The following SLC10A7 variants were observed in gnomAD, a reference collection of about 807,000 sequenced individuals.
The protein encoded by SLC10A7 is solute carrier family 10 member 7.
A neutral mutation model predicts 43.2 loss-of-function variants in SLC10A7; 29 were observed. The ratio of observed to expected loss-of-function variants is 0.67; its 90% CI spans 0.50 to 0.92. The LOEUF is 0.92. SLC10A7 is among the 40% of genes least tolerant of loss of function. SLC10A7 has a pLI of 0.00. For synonymous variants in SLC10A7, 152 were observed against 144.8 expected (o/e 1.05, Z -0.35); for missense variants, 295 against 403.2 (o/e 0.73, Z 2.30).
intron 5 of SLC10A7, among the ~76,000 whole-genome samples, chr4:146,415,876 C>T (rs1331296785): frequency 2.0e-5 from 3 of 152,054 alleles, no homozygotes; most frequent in African/African-American, 7.2e-5. Flanking sequence ...TCATAGATTG[C>T]GAATTAGTTA....
chr4:146,286,889 C>T (rs200779184), intron 9 of SLC10A7, among the ~76,000 whole-genome samples: 32 of 84,000 alleles, frequency 3.8e-4, no homozygotes, highest in South Asian at 8.5e-4. Flanking sequence ...AGAAGGACTG[C>T]GTTTGGAGTG....
chr4:146,265,770 C>T (rs1905958), intron 10 of SLC10A7, among the ~76,000 whole-genome samples: 88,172 of 151,968 alleles, frequency 0.58, 26,096 homozygotes, highest in East Asian at 0.82. Context: ...TTAAAGACAA[C>T]GCATTCACAT....
At chr4:146,443,933 T>C (rs906686353) in intron 4 of SLC10A7, among the ~76,000 whole-genome samples, 2 of 152,242 alleles carry the variant, frequency 1.3e-5, no homozygotes, top group African/African-American at 4.8e-5. Flanking sequence ...ACAGCTCCTC[T>C]GTGGCATAAA....
At chr4:146,395,867 C>T (rs1738789433) in intron 5 of SLC10A7, among the ~76,000 whole-genome samples, 1 of 152,064 alleles carries the variant, frequency 6.6e-6, no homozygotes, top group South Asian at 2.1e-4. Context: ...ATTTGTTTTT[C>T]TTTGTTCAGT....
intron 5 of SLC10A7, among the ~76,000 whole-genome samples, chr4:146,382,936 A>G (rs897022690): frequency 6.6e-6 from 1 of 151,924 alleles, no homozygotes. Context: ...GGTGCAGAAT[A>G]TCATCAATAT....
At chr4:146,388,586 A>G (rs1457632125) in intron 5 of SLC10A7, among the ~76,000 whole-genome samples, 3 of 151,818 alleles carry the variant, frequency 2.0e-5, no homozygotes, top group Non-Finnish European at 4.4e-5. Flanking sequence ...GTGAAACCCC[A>G]TCTCTAGTAA....
intron 4 of SLC10A7, among the ~76,000 whole-genome samples, chr4:146,458,404 T>G (rs1242133209): frequency 2.6e-5 from 4 of 151,664 alleles, no homozygotes; most frequent in Non-Finnish European, 4.4e-5. Context: ...AGGAACAAAG[T>G]TAGGATGTCT....
chr4:146,465,743 A>T (rs1025651508), intron 4 of SLC10A7, among the ~76,000 whole-genome samples: 1 of 152,136 alleles, frequency 6.6e-6, no homozygotes, highest in Non-Finnish European at 1.5e-5. Context: ...GGACTGAAAG[A>T]TCTCTGTGGC....
chr4:146,450,254 T>A (rs973130100), intron 4 of SLC10A7, among the ~76,000 whole-genome samples: 2 of 152,162 alleles, frequency 1.3e-5, no homozygotes, highest in African/African-American at 4.8e-5. Flanking sequence ...TTTTTTCTTG[T>A]TGTTATTCCC....
intron 4 of SLC10A7, among the ~76,000 whole-genome samples, chr4:146,469,835 G>A (rs1221290880): frequency 6.6e-6 from 1 of 151,880 alleles, no homozygotes; most frequent in Non-Finnish European, 1.5e-5. Flanking sequence ...TCACTATGTT[G>A]CCCAGGCTAG....
intron 5 of SLC10A7, 27 bp downstream of exon 5, chr4:146,442,756 T>C (rs754981232): frequency 1.9e-6 from 3 of 1,601,884 alleles, no homozygotes; most frequent in East Asian, 4.5e-5. Flanking sequence ...AAAGTTGTAA[T>C]AGACAAGTTA....
intron 5 of SLC10A7, among the ~76,000 whole-genome samples, chr4:146,350,553 T>C (rs372047478): frequency 2.3e-4 from 33 of 144,448 alleles, no homozygotes; most frequent in Middle Eastern, 3.5e-3. Context: ...GCCTGCCTGC[T>C]TCTGTAGGCT....
intron 5 of SLC10A7, among the ~76,000 whole-genome samples, chr4:146,382,575 G>A (rs538216372): frequency 1.2e-4 from 18 of 152,154 alleles, no homozygotes; most frequent in Admixed American, 7.9e-4. Context: ...ATATTTTAGG[G>A]GTTACCAAGG....
intron 5 of SLC10A7, among the ~76,000 whole-genome samples, chr4:146,381,970 A>G (rs1394591691): frequency 3.3e-5 from 5 of 152,188 alleles, no homozygotes; most frequent in African/African-American, 1.2e-4. Context: ...AAGACTACAC[A>G]GAAAATAATG....
At chr4:146,332,418 G>C (rs1486039895) in intron 5 of SLC10A7, among the ~76,000 whole-genome samples, 1 of 152,170 alleles carries the variant, frequency 6.6e-6, no homozygotes, top group African/African-American at 2.4e-5. Flanking sequence ...GGAGGTGATT[G>C]GATCACGGGG....
At chr4:146,493,228 A>G (rs1391771971) in intron 4 of SLC10A7, among the ~76,000 whole-genome samples, 1 of 152,188 alleles carries the variant, frequency 6.6e-6, no homozygotes, top group Non-Finnish European at 1.5e-5. Context: ...TAGATTAGCT[A>G]AAAGAAAAGT....
chr4:146,319,249 A>G (rs1443354367), intron 6 of SLC10A7, among the ~76,000 whole-genome samples: 1 of 151,966 alleles, frequency 6.6e-6, no homozygotes, highest in African/African-American at 2.4e-5. Flanking sequence ...CACACTGGCC[A>G]CCTTGGTGTT....
At chr4:146,432,009 G>A (rs1046702543) in intron 5 of SLC10A7, among the ~76,000 whole-genome samples, 7 of 152,102 alleles carry the variant, frequency 4.6e-5, no homozygotes, top group African/African-American at 1.4e-4. Flanking sequence ...AAAGATATAC[G>A]GATGGCAAAT....
intron 6 of SLC10A7, among the ~76,000 whole-genome samples, chr4:146,317,183 A>T (rs1004919501): frequency 6.6e-6 from 1 of 152,148 alleles, no homozygotes; most frequent in Non-Finnish European, 1.5e-5. Context: ...AGAGCATATA[A>T]CAAGAAAACA....
Sources: gnomAD v4.1 joint callset for allele counts (sites outside exome capture counted in the v4.1 genomes callset) on GRCh38, gnomAD v4.1.1 for gene constraint, MANE v1.5 for transcripts, NCBI Gene and HGNC (gene_info 2026-07-23, HGNC 2026-07-21) for gene names.